IL6R: variants seen among roughly 807,000 people sequenced by gnomAD.
IL6R encodes interleukin-6 receptor subunit alpha.
In IL6R, 38 loss-of-function variants were observed where a neutral mutation model predicts 48.3. That is an observed-to-expected ratio of 0.79 (90% CI 0.61 to 1.03). The LOEUF is 1.03. Ranked by LOEUF, IL6R falls within the 50% of genes least tolerant of loss-of-function variation. IL6R has a pLI of 0.00. For missense variants in IL6R, 534 were observed against 618.3 expected, an observed-to-expected ratio of 0.86 and a Z score of 1.45; for synonymous variants, 264 against 256.2, an observed-to-expected ratio of 1.03 and a Z score of -0.29.
chr1:154,413,172 T>G (rs1688132092), intron 1 of IL6R, among the ~76,000 whole-genome samples: 2 of 152,124 alleles, frequency 1.3e-5, no homozygotes, highest in South Asian at 4.1e-4. Context: ...AGGCTAATTT[T>G]TGTATTTTTA....
intron 8 of IL6R, among the ~76,000 whole-genome samples, chr1:154,453,727 G>A (rs564543855): frequency 2.0e-5 from 3 of 152,198 alleles, no homozygotes; most frequent in Non-Finnish European, 4.4e-5. Context: ...ACTCAGTCTA[G>A]AGGTGGAAAT....
At chr1:154,410,439 G>T (rs1191930465) in intron 1 of IL6R, among the ~76,000 whole-genome samples, 6 of 152,124 alleles carry the variant, frequency 3.9e-5, no homozygotes, top group Non-Finnish European at 8.8e-5. Flanking sequence ...TTCTTGTAGA[G>T]ACAGGATTTC....
chr1:154,448,375 G>A (rs993587693), intron 7 of IL6R, among the ~76,000 whole-genome samples: 3 of 152,238 alleles, frequency 2.0e-5, no homozygotes, highest in Non-Finnish European at 4.4e-5. Flanking sequence ...GTGGAGCAGC[G>A]CTGGCCTGGC....
intron 6 of IL6R, among the ~76,000 whole-genome samples, chr1:154,442,679 C>T (rs115093244): frequency 0.015 from 2,272 of 152,342 alleles, 59 homozygotes; most frequent in African/African-American, 0.051. Context: ...AAGGCCAGCA[C>T]GGTCGGCAGC....
intron 1 of IL6R, among the ~76,000 whole-genome samples, chr1:154,411,002 G>C (rs1687988045): frequency 6.6e-6 from 1 of 152,208 alleles, no homozygotes; most frequent in African/African-American, 2.4e-5. Context: ...CCATTGCATA[G>C]ATGGTGGGCT....
At chr1:154,447,783 C>T (rs982400551) in intron 6 of IL6R, among the ~76,000 whole-genome samples, 2 of 151,664 alleles carry the variant, frequency 1.3e-5, no homozygotes, top group Non-Finnish European at 2.9e-5. Context: ...GGCATGATCT[C>T]GGCTCACTGC....
At chr1:154,434,467 G>A in intron 3 of IL6R, 52 bp from the exon 4 acceptor site, 7 of 1,532,658 alleles carry the variant, frequency 4.6e-6, no homozygotes, top group South Asian at 1.2e-5. Context: ...GTCCCGTCTT[G>A]AGTCTGTGCG....
rs1691634164 is a variant in IL6R at position 154,467,979 on chromosome 1, A to G, written c.*2599A>G. ...GAACCATGCTAGCGGAAGATGTGAA[A>G]TCCAGATAGCTCATTATTGCCAAGA... On this transcript the variant is annotated 3_prime_UTR_variant, in exon 10 of 10. Coordinates refer to ENST00000368485, the MANE Select transcript of IL6R (RefSeq NM_000565.4). The G allele has an allele frequency of 6.6e-6, 1 of 152,224 alleles. No individual in the cohort carries two copies. The highest frequency in any genetic ancestry group is 1.5e-5 in the Non-Finnish European group (1 of 68,036). The allele number at this position is 152,224 out of a possible 1,614,324, so 9.4% of individuals were successfully genotyped here. A position where few individuals can be genotyped will look rare whatever the true frequency, so the allele number is the denominator to read the frequency against.
rs1691524796 is a variant in IL6R, at chr1:154,465,731, C to T, written c.*351C>T. The T allele has an allele frequency of 5.1e-5, 15 of 295,798 alleles. No homozygotes were observed. The South Asian group carries it at 5.7e-4, about 11-fold the overall frequency. 18.3% of individuals were successfully genotyped at this position (295,798 alleles called of 1,614,324 possible). A position where few individuals can be genotyped will look rare whatever the true frequency, so the allele number is the denominator to read the frequency against. Reference sequence around the variant, plus strand: ...TGTGGAGAAGCGGCTGGCAGCCCACCCCTCAACACCTCTGCACAAGCTGCA... The same window carrying T: ...TGTGGAGAAGCGGCTGGCAGCCCACTCCTCAACACCTCTGCACAAGCTGCA... On this transcript the variant is annotated 3_prime_UTR_variant, in exon 10 of 10. Coordinates refer to ENST00000368485, the MANE Select transcript of IL6R (RefSeq NM_000565.4).
chr1:154,413,535 C>T (rs1275418808), intron 1 of IL6R, among the ~76,000 whole-genome samples: 1 of 152,188 alleles, frequency 6.6e-6, no homozygotes, highest in African/African-American at 2.4e-5. Context: ...TGTCCCTATG[C>T]CCTTGCCAAA....
chr1:154,429,496 T>G (rs6694817), intron 2 of IL6R, 52 bp downstream of exon 2: 14 of 1,567,102 alleles, frequency 8.9e-6, no homozygotes, highest in Non-Finnish European at 1.1e-5. Context: ...AAATGAGGCT[T>G]TGTGCATTCC....
At chr1:154,415,393 T>G (rs1688276139) in intron 1 of IL6R, among the ~76,000 whole-genome samples, 1 of 152,242 alleles carries the variant, frequency 6.6e-6, no homozygotes, top group African/African-American at 2.4e-5. Context: ...GAATTCATCT[T>G]TCCCCCACCA....
intron 1 of IL6R, among the ~76,000 whole-genome samples, chr1:154,425,009 T>A (rs1688883730): frequency 6.6e-6 from 1 of 152,138 alleles, no homozygotes. Context: ...GGGGGCTGCA[T>A]GCACCGGTAA....
chr1:154,440,489 C>T (rs1314729747), intron 6 of IL6R, among the ~76,000 whole-genome samples: 1 of 152,152 alleles, frequency 6.6e-6, no homozygotes, highest in East Asian at 1.9e-4. Context: ...CCGTTTTCCA[C>T]AGTGGCTGCA....
At chr1:154,429,593 A>G (rs919202342) in intron 2 of IL6R, 149 bp downstream of exon 2, 11 of 937,434 alleles carry the variant, frequency 1.2e-5, no homozygotes, top group African/African-American at 3.3e-5. Context: ...TGCCATCCAG[A>G]TGCTGGCAAA....
At chr1:154,458,849 C>G (rs1313236857) in intron 9 of IL6R, among the ~76,000 whole-genome samples, 1 of 150,130 alleles carries the variant, frequency 6.7e-6, no homozygotes, top group Non-Finnish European at 1.5e-5. Flanking sequence ...TGCAGTGAGC[C>G]GAGATCGCGC....
At chr1:154,449,133 G>C (rs1690445264) in intron 7 of IL6R, among the ~76,000 whole-genome samples, 1 of 146,074 alleles carries the variant, frequency 6.8e-6, no homozygotes, top group South Asian at 2.1e-4. Context: ...CTGACCTCAT[G>C]ATCCACCCGC....
chr1:154,449,347 T>G, intron 7 of IL6R, among the ~76,000 whole-genome samples: 1 of 151,990 alleles, frequency 6.6e-6, no homozygotes, highest in Non-Finnish European at 1.5e-5. Flanking sequence ...AAACCCTTTC[T>G]CTACTGAAAT....
At chr1:154,434,056 C>T (rs183854099) in intron 3 of IL6R, among the ~76,000 whole-genome samples, 33 of 151,796 alleles carry the variant, frequency 2.2e-4, no homozygotes, top group Admixed American at 7.9e-4. Flanking sequence ...GAACCAGCCA[C>T]GTGTGATTGT....
Sources: allele counts gnomAD v4.1 joint callset (sites outside exome capture counted in the v4.1 genomes callset), GRCh38; gene constraint gnomAD v4.1.1; transcripts MANE v1.5; gene names NCBI Gene and HGNC (gene_info 2026-07-23, HGNC 2026-07-21).